FOCAD: variants seen among roughly 807,000 people sequenced by gnomAD.
FOCAD encodes the protein focadhesin.
FOCAD carries 198 observed loss-of-function variants against 225.6 expected under a neutral mutation model. That is an observed-to-expected ratio of 0.88 (90% CI 0.78 to 0.99). The LOEUF is 0.99. FOCAD is among the 50% of genes least tolerant of loss of function. The pLI is 0.00. For missense variants in FOCAD, 2,713 were observed against 2,123.6 expected, an observed-to-expected ratio of 1.28 and a Z score of -5.46; for synonymous variants, 897 against 755.0, an observed-to-expected ratio of 1.19 and a Z score of -3.08.
At chr9:20,675,811 T>C (rs1822215227) in intron 2 of FOCAD, among the ~76,000 whole-genome samples, 2 of 143,528 alleles carry the variant, frequency 1.4e-5, no homozygotes, top group African/African-American at 2.7e-5. Flanking sequence ...TCAATAGTCA[T>C]GTACAAAACA....
chr9:20,677,536 TA>T (rs1177200545), intron 2 of FOCAD, among the ~76,000 whole-genome samples: 1 of 152,092 alleles, frequency 6.6e-6, no homozygotes, highest in Non-Finnish European at 1.5e-5. Context: ...ATAACCTTAT[TA>T]AAAAATGGAC....
intron 11 of FOCAD, among the ~76,000 whole-genome samples, chr9:20,793,525 A>C (rs913362263): frequency 1.3e-5 from 2 of 152,172 alleles, no homozygotes; most frequent in African/African-American, 4.8e-5. Context: ...TTCTCATTGA[A>C]GGAATTGTAA....
chr9:20,866,917 T>TTAACCAAA lies in FOCAD; in HGVS notation c.2107-12_2107-11insTAACCAAA. 1.3e-6 allele frequency: 1 copy of TTAACCAAA among 764,972 alleles called. No individual in the cohort carries two copies. The highest frequency in any genetic ancestry group is 2.0e-6 in the Non-Finnish European group (1 of 498,468). The allele number at this position is 764,972 out of a possible 1,614,324, so 47.4% of individuals were successfully genotyped here. ...TTTTTTTTTTTTTTTTTTTTTTTTT[T>TTAACCAAA]ACCCTATCTAGGACCCAATTGTAGC... On this transcript the variant is annotated splice_polypyrimidine_tract_variant and intron_variant, in intron 17 of 43. Coordinates refer to ENST00000338382, the MANE Select transcript of FOCAD (RefSeq NM_001375567.1).
chr9:20,715,326 T>A lies in FOCAD; in HGVS notation c.-28T>A. ...ATTCTTTTGTTTTGGTTACAGAAGC[T>A]GCACACATACATGTAAGAGAAGCAA... On this transcript the variant is annotated 5_prime_UTR_variant, in exon 2 of 44. Coordinates refer to ENST00000338382, the MANE Select transcript of FOCAD (RefSeq NM_001375567.1). 1 of 1,469,498 alleles carries A rather than the reference T, an allele frequency of 6.8e-7. No homozygotes were observed. The highest frequency in any genetic ancestry group is 1.5e-5 in the South Asian group (1 of 65,102). 91.0% of individuals were successfully genotyped at this position (1,469,498 alleles called of 1,614,324 possible). A position where few individuals can be genotyped will look rare whatever the true frequency, so the allele number is the denominator to read the frequency against.
intron 35 of FOCAD, among the ~76,000 whole-genome samples, chr9:20,971,534 G>C (rs933213691): frequency 6.6e-6 from 1 of 151,842 alleles, no homozygotes; most frequent in Non-Finnish European, 1.5e-5. Context: ...TCACCTCCCG[G>C]GTTCAAGCAA....
rs371813912 is a variant in FOCAD at position 20,923,686 on chromosome 9, C to G, written c.2879C>G (p.Ala960Gly). 9.3e-6 allele frequency: 15 copies of G among 1,613,710 alleles called. No homozygotes were observed. The Admixed American group carries it at 1.0e-4, about 11-fold the overall frequency. ...GAGAGTCCGGTAGTGAAAGGCAATG[C>G]GCTGTTAGCTCTAAGCAGCCTTGCT... ...AKESPVVKGN[A>G]LLALSSLAVV... Residue 960 changes from alanine (A) to glycine (G), a missense_variant, in exon 25 of 44, where the codon GCG (alanine) becomes GGG (glycine). Physicochemically the swap from Ala to Gly is moderately conservative, Grantham distance 60 (BLOSUM62 0). Transcript: ENST00000338382.
At chr9:20,668,838 C>T (rs745306402) in intron 2 of FOCAD, among the ~76,000 whole-genome samples, 11 of 152,172 alleles carry the variant, frequency 7.2e-5, no homozygotes, top group Admixed American at 2.0e-4. Flanking sequence ...AAACAAAATG[C>T]ATAGCATAAG....
chr9:20,682,149 C>A (rs1822417210), upstream of FOCAD, among the ~76,000 whole-genome samples: 1 of 152,186 alleles, frequency 6.6e-6, no homozygotes, highest in African/African-American at 2.4e-5. Context: ...TCACCATATT[C>A]CAAATCTGCT....
chr9:20,813,836 C>G (rs952402722), intron 11 of FOCAD, among the ~76,000 whole-genome samples: 1 of 152,128 alleles, frequency 6.6e-6, no homozygotes, highest in African/African-American at 2.4e-5. Flanking sequence ...TTGAAATCAT[C>G]TACTATTACT....
chr9:20,942,855 T>C (rs1836806142), intron 28 of FOCAD, among the ~76,000 whole-genome samples: 1 of 152,208 alleles, frequency 6.6e-6, no homozygotes, highest in Admixed American at 6.5e-5. Flanking sequence ...TGAAGTAAAT[T>C]AGCACAGGGT....
At chr9:20,699,817 A>G (rs1823787922) in intron 1 of FOCAD, among the ~76,000 whole-genome samples, 1 of 82,266 alleles carries the variant, frequency 1.2e-5, no homozygotes, top group South Asian at 4.7e-4. Context: ...TATATATATG[A>G]AGAGCTACAT....
At position 20,959,439 on chromosome 9, in the gene FOCAD, C is replaced by A. The variant is rs147953514; in HGVS notation, c.4132+6374C>A. On this transcript the variant is annotated intron_variant, in intron 35 of 43. Transcript: ENST00000338382. Reference sequence around the variant, plus strand: ...TTCCTTGCATATTCTGGATATTAGTCCCTTGTCAGATGAATAATATGCAAA... The same window carrying A: ...TTCCTTGCATATTCTGGATATTAGTACCTTGTCAGATGAATAATATGCAAA... Among the ~76,000 whole-genome samples, 35 of 152,180 alleles carry A rather than the reference C, an allele frequency of 2.3e-4. No individual in the cohort carries two copies. In the East Asian group the frequency reaches 6.6e-3, roughly 29 times the overall value.
chr9:20,986,266 A>AAT, intron 39 of FOCAD, 22 bp from the exon 40 acceptor site: 1 of 705,686 alleles, frequency 1.4e-6, no homozygotes, highest in Non-Finnish European at 1.8e-6. Context: ...TAACTAAACA[A>AAT]TTTTTTTTTT....
At chr9:20,677,756 T>C (rs1303493004) in intron 2 of FOCAD, among the ~76,000 whole-genome samples, 2 of 152,190 alleles carry the variant, frequency 1.3e-5, no homozygotes, top group East Asian at 1.9e-4. Flanking sequence ...GGCAGAGCCA[T>C]GATAGAAAAC....
intron 27 of FOCAD, 60 bp downstream of exon 27, chr9:20,929,656 C>T (rs1297800423): frequency 4.6e-6 from 6 of 1,317,808 alleles, no homozygotes; most frequent in Non-Finnish European, 5.4e-6. Context: ...AAGGATTTTG[C>T]ACCCATATGC....
In FOCAD at chr9:20,949,594, A is replaced by C. The variant is rs368623482; in HGVS notation, c.3877-10A>C. On this transcript the variant is annotated splice_polypyrimidine_tract_variant and intron_variant, in intron 32 of 43. Coordinates refer to ENST00000338382, the MANE Select transcript of FOCAD (RefSeq NM_001375567.1). The stretch of plus-strand genomic sequence containing the variant: ...GTGGGTGGGATGGGTATTTCTTCTT[A>C]TTCTTTCAGCTGAAATCAGAAGCCA... 7.7e-5 allele frequency: 124 copies of C among 1,612,180 alleles called. No individual in the cohort carries two copies. The highest frequency in any genetic ancestry group is 1.0e-4 in the Non-Finnish European group (119 of 1,178,684).
At chr9:20,685,499 C>T (rs1474911962) in intron 1 of FOCAD, among the ~76,000 whole-genome samples, 1 of 152,196 alleles carries the variant, frequency 6.6e-6, no homozygotes, top group African/African-American at 2.4e-5. Flanking sequence ...CAAGCAAGTG[C>T]ATGTTTACAA....
intron 15 of FOCAD, among the ~76,000 whole-genome samples, chr9:20,835,736 T>C (rs1825932572): frequency 6.6e-6 from 1 of 152,106 alleles, no homozygotes; most frequent in African/African-American, 2.4e-5. Flanking sequence ...GAGATGGGAA[T>C]GTGAGGCAGT....
chr9:20,760,890 T>C (rs961977652), intron 6 of FOCAD, among the ~76,000 whole-genome samples: 1 of 152,146 alleles, frequency 6.6e-6, no homozygotes, highest in Admixed American at 6.5e-5. Flanking sequence ...AGGTTGTTAA[T>C]GAGTATATGA....
Sources: gnomAD v4.1 joint callset for allele counts (sites outside exome capture counted in the v4.1 genomes callset) on GRCh38, gnomAD v4.1.1 for gene constraint, MANE v1.5 for transcripts, NCBI Gene and HGNC (gene_info 2026-07-23, HGNC 2026-07-21) for gene names.